FRMD4B: variants seen among roughly 807,000 people sequenced by gnomAD.
The protein encoded by FRMD4B is FERM domain containing 4B, also known as FERM domain-containing protein 4B.
A neutral mutation model predicts 141.5 loss-of-function variants in FRMD4B; 74 were observed. The observed-to-expected ratio is 0.52, with a 90% CI of 0.43 to 0.63. FRMD4B has a LOEUF of 0.63. FRMD4B is among the 30% of genes least tolerant of loss of function. The pLI is 0.00. For synonymous variants in FRMD4B, 506 were observed against 467.9 expected (o/e 1.08, Z -1.05); for missense variants, 1,366 against 1,253.4 (o/e 1.09, Z -1.36).
chr3:69,455,389 G>A (rs1480135157), intron 1 of FRMD4B, among the ~76,000 whole-genome samples: 1 of 152,162 alleles, frequency 6.6e-6, no homozygotes, highest in African/African-American at 2.4e-5. Context: ...AACACTCACG[G>A]CAAAGGTCTG....
intron 7 of FRMD4B, among the ~76,000 whole-genome samples, chr3:69,229,956 C>A (rs973358501): frequency 6.6e-6 from 1 of 151,866 alleles, no homozygotes; most frequent in African/African-American, 2.4e-5. Flanking sequence ...AAGAGATAGA[C>A]CGCACCCGGC....
chr3:69,255,315 G>A (rs2093485963), intron 5 of FRMD4B, among the ~76,000 whole-genome samples: 1 of 152,160 alleles, frequency 6.6e-6, no homozygotes. Context: ...AATTTGGCTT[G>A]GCAGACATAC....
intron 1 of FRMD4B, among the ~76,000 whole-genome samples, chr3:69,443,313 T>C (rs1174964418): frequency 2.0e-5 from 3 of 152,158 alleles, no homozygotes; most frequent in African/African-American, 7.2e-5. Context: ...GAGCGGCACA[T>C]CCCAAACTCC....
At chr3:69,186,976 A>G (rs1279569655) in intron 19 of FRMD4B, among the ~76,000 whole-genome samples, 2 of 152,194 alleles carry the variant, frequency 1.3e-5, no homozygotes, top group East Asian at 3.8e-4. Flanking sequence ...TTGCCCTGAT[A>G]ATATTTACCT....
intron 5 of FRMD4B, among the ~76,000 whole-genome samples, chr3:69,275,755 T>TA (rs2093615240): frequency 6.6e-6 from 1 of 152,130 alleles, no homozygotes. Flanking sequence ...GATGCAGTTT[T>TA]GAAGAGGTAA....
chr3:69,375,696 G>C (rs1273943730), intron 1 of FRMD4B, among the ~76,000 whole-genome samples: 2 of 152,182 alleles, frequency 1.3e-5, no homozygotes, highest in African/African-American at 4.8e-5. Flanking sequence ...GTGGCCAGAG[G>C]CTGAGTGTTA....
intron 3 of FRMD4B, among the ~76,000 whole-genome samples, chr3:69,304,491 A>AAAC (rs1329662974): frequency 5.3e-5 from 8 of 151,270 alleles, no homozygotes; most frequent in African/African-American, 2.0e-4. Context: ...CTCAAAAAAA[A>AAAC]AAAAAAAAAA....
At chr3:69,381,986 C>T (rs1211763015) in intron 1 of FRMD4B, among the ~76,000 whole-genome samples, 2 of 152,068 alleles carry the variant, frequency 1.3e-5, no homozygotes, top group African/African-American at 2.4e-5. Context: ...TTGTTATCTG[C>T]TTAAGGAGCC....
At chr3:69,497,482 C>T (rs1328266890) in intron 1 of FRMD4B, among the ~76,000 whole-genome samples, 1 of 152,068 alleles carries the variant, frequency 6.6e-6, no homozygotes, top group African/African-American at 2.4e-5. Context: ...CAGTTATATG[C>T]AGTGGTGGTC....
intron 1 of FRMD4B, among the ~76,000 whole-genome samples, chr3:69,463,048 C>G (rs921548526): frequency 6.6e-6 from 1 of 152,180 alleles, no homozygotes; most frequent in Non-Finnish European, 1.5e-5. Context: ...GTGCTAGTAC[C>G]CAAGCTTTCA....
At chr3:69,431,232 A>C (rs4441658) in intron 2 of FRMD4B, among the ~76,000 whole-genome samples, 102,518 of 152,104 alleles carry the variant, frequency 0.67, 35,132 homozygotes, top group East Asian at 0.85. Flanking sequence ...TAAGAAAAGT[A>C]CTGCATCATT....
At chr3:69,465,759 T>C (rs1705772353) in intron 1 of FRMD4B, among the ~76,000 whole-genome samples, 1 of 152,228 alleles carries the variant, frequency 6.6e-6, no homozygotes, top group South Asian at 2.1e-4. Flanking sequence ...CCATGGTGTA[T>C]GTGTGCCATA....
chr3:69,529,039 C>T (rs1466909405), intron 1 of FRMD4B, among the ~76,000 whole-genome samples: 1 of 152,158 alleles, frequency 6.6e-6, no homozygotes, highest in African/African-American at 2.4e-5. Flanking sequence ...CAAACCAATG[C>T]AGGTGCTGGC....
At chr3:69,509,077 A>T (rs1160258585) in intron 1 of FRMD4B, among the ~76,000 whole-genome samples, 1 of 152,218 alleles carries the variant, frequency 6.6e-6, no homozygotes, top group African/African-American at 2.4e-5. Context: ...CAAGTGATAC[A>T]TGGATGATCA....
intron 2 of FRMD4B, among the ~76,000 whole-genome samples, chr3:69,415,763 T>C (rs1461696439): frequency 6.6e-6 from 1 of 152,232 alleles, no homozygotes; most frequent in Non-Finnish European, 1.5e-5. Context: ...CATGGGGCTG[T>C]GGGGTTTTGA....
intron 2 of FRMD4B, among the ~76,000 whole-genome samples, chr3:69,392,805 A>G (rs1490655334): frequency 6.6e-6 from 1 of 152,080 alleles, no homozygotes. Flanking sequence ...ATGTCCCTCT[A>G]CATCCCATTC....
chr3:69,315,280 C>T (rs1014547666), intron 1 of FRMD4B, among the ~76,000 whole-genome samples: 1 of 152,092 alleles, frequency 6.6e-6, no homozygotes, highest in African/African-American at 2.4e-5. Flanking sequence ...ACTCATGTTC[C>T]AAACCATTTT....
chr3:69,248,566 C>A (rs2093440397), intron 7 of FRMD4B, among the ~76,000 whole-genome samples: 1 of 152,204 alleles, frequency 6.6e-6, no homozygotes, highest in African/African-American at 2.4e-5. Flanking sequence ...ATCGTAGAGG[C>A]CAGGCTTTCA....
At position 69,466,165 on chromosome 3, in the gene FRMD4B, G is replaced by A. The variant is rs189071376; in HGVS notation, c.-128-33404C>T. ...AGCGATGATGAGCATTCTTTCATGTGTCTGTTGGCTACATAAACGTCTTCT... is the reference window on the plus strand; with the variant it reads ...AGCGATGATGAGCATTCTTTCATGTATCTGTTGGCTACATAAACGTCTTCT... On this transcript the variant is annotated intron_variant, in intron 1 of 5. Coordinates refer to the FRMD4B transcript ENST00000459638. 2.0e-5 allele frequency among the ~76,000 whole-genome samples: 3 copies of A among 152,080 alleles called. No homozygotes were observed. In the East Asian group the frequency reaches 5.8e-4, roughly 29 times the overall value.
Sources: allele counts gnomAD v4.1 joint callset (sites outside exome capture counted in the v4.1 genomes callset), GRCh38; gene constraint gnomAD v4.1.1; transcripts MANE v1.5; gene names NCBI Gene and HGNC (gene_info 2026-07-23, HGNC 2026-07-21).